Variants in SLC39A11 observed in about 807,000 individuals in gnomAD.
SLC39A11 encodes the protein zinc transporter ZIP11.
SLC39A11 carries 33 observed loss-of-function variants against 36.1 expected under a neutral mutation model. That is an observed-to-expected ratio of 0.91 (90% confidence interval 0.69 to 1.22). The LOEUF is 1.22. Among genes scored for constraint, SLC39A11 ranks in the 50% most tolerant of loss-of-function variants. SLC39A11 has a pLI of 0.00. For missense variants in SLC39A11, 432 were observed against 430.3 expected, an observed-to-expected ratio of 1.00 and a Z score of -0.03; for synonymous variants, 166 against 170.3, an observed-to-expected ratio of 0.97 and a Z score of 0.20.
chr17:72,676,524 G>A (rs11077622), intron 7 of SLC39A11, among the ~76,000 whole-genome samples: 32,707 of 151,868 alleles, frequency 0.22, 3,905 homozygotes, highest in South Asian at 0.26. Flanking sequence ...ACTTCTTATC[G>A]TCATCACAAT....
chr17:72,752,055 C>G (rs2075175956), intron 6 of SLC39A11, among the ~76,000 whole-genome samples: 1 of 152,170 alleles, frequency 6.6e-6, no homozygotes, highest in Non-Finnish European at 1.5e-5. Flanking sequence ...TGCCCTCTTT[C>G]TTATGTCATA....
chr17:72,941,063 G>T (rs537553812), intron 5 of SLC39A11, among the ~76,000 whole-genome samples: 1 of 152,268 alleles, frequency 6.6e-6, no homozygotes, highest in African/African-American at 2.4e-5. Flanking sequence ...CTTGAGCCCA[G>T]GAGTTCAAGA....
intron 3 of SLC39A11, among the ~76,000 whole-genome samples, chr17:73,045,928 A>T (rs1033072999): frequency 1.3e-5 from 2 of 152,186 alleles, no homozygotes; most frequent in Non-Finnish European, 2.9e-5. Context: ...CTCTCAGCTC[A>T]GGTCTGTTGA....
chr17:72,935,612 T>C (rs1464355260), intron 5 of SLC39A11, among the ~76,000 whole-genome samples: 3 of 152,252 alleles, frequency 2.0e-5, no homozygotes, highest in Non-Finnish European at 4.4e-5. Context: ...AGTCTCGCTC[T>C]GCAGCCCAGG....
At chr17:72,707,039 G>A (rs980114277) in intron 7 of SLC39A11, among the ~76,000 whole-genome samples, 2 of 152,242 alleles carry the variant, frequency 1.3e-5, no homozygotes, top group Non-Finnish European at 2.9e-5. Flanking sequence ...GAGATGTGCT[G>A]TAAATGTAAA....
chr17:72,977,204 G>A (rs1045769869), intron 4 of SLC39A11, among the ~76,000 whole-genome samples: 2 of 152,186 alleles, frequency 1.3e-5, no homozygotes, highest in African/African-American at 4.8e-5. Context: ...GGAGCCACAT[G>A]GGAAGGAATG....
intron 3 of SLC39A11, among the ~76,000 whole-genome samples, chr17:73,075,635 CTGAGGTAAGGAGTT>C (rs1330645965): frequency 6.6e-6 from 1 of 151,962 alleles, no homozygotes; most frequent in Non-Finnish European, 1.5e-5. Context: ...GGTGGATCAC[CTGAGGTAAGGAGTT>C]TGAGACCAGC....
rs949708221 is a variant in SLC39A11, at chr17:72,690,371, C to A, written c.672-41103G>T. ...ACACGTCGGAGAATTCCCCAAGGGG[C>A]TCCTGGCTCTCAGAAGAAGGGAGAA... On this transcript the variant is annotated intron_variant, in intron 7 of 9. Transcript: ENST00000255559. Among the ~76,000 whole-genome samples the A allele has an allele frequency of 2.0e-5, 3 of 152,178 alleles. No individual in the cohort carries two copies. The South Asian group carries it at 6.2e-4, about 32-fold the overall frequency.
chr17:72,726,511 C>CAA (rs1276905393), intron 7 of SLC39A11, among the ~76,000 whole-genome samples: 2 of 151,860 alleles, frequency 1.3e-5, no homozygotes, highest in African/African-American at 4.8e-5. Context: ...ATCCTGTCTA[C>CAA]ACACACACAC....
At chr17:72,804,751 A>T (rs934070875) in intron 6 of SLC39A11, among the ~76,000 whole-genome samples, 1 of 152,216 alleles carries the variant, frequency 6.6e-6, no homozygotes, top group Non-Finnish European at 1.5e-5. Flanking sequence ...CCGGCCACGC[A>T]GTGGCTCACA....
intron 5 of SLC39A11, among the ~76,000 whole-genome samples, chr17:72,898,762 AC>A (rs2082159593): frequency 6.6e-6 from 1 of 152,262 alleles, no homozygotes; most frequent in Admixed American, 6.5e-5. Context: ...ACACACGTGC[AC>A]ATACATAACA....
chr17:72,818,610 C>T (rs78855034), intron 6 of SLC39A11, among the ~76,000 whole-genome samples: 2,600 of 152,156 alleles, frequency 0.017, 66 homozygotes, highest in African/African-American at 0.059. Context: ...CTTTGGGGGG[C>T]CTCATTTCTG....
chr17:72,942,722 G>A (rs988491424), intron 5 of SLC39A11, among the ~76,000 whole-genome samples: 2 of 152,184 alleles, frequency 1.3e-5, no homozygotes, highest in Admixed American at 6.5e-5. Flanking sequence ...CAGTTTTAGC[G>A]CCAAGGAAAC....
intron 6 of SLC39A11, among the ~76,000 whole-genome samples, chr17:72,790,129 T>C (rs1483474344): frequency 6.6e-6 from 1 of 152,128 alleles, no homozygotes; most frequent in African/African-American, 2.4e-5. Flanking sequence ...GGTGGGCAGA[T>C]TATCCATTTA....
intron 5 of SLC39A11, among the ~76,000 whole-genome samples, chr17:72,933,801 T>A (rs1437638706): frequency 6.6e-6 from 1 of 152,176 alleles, no homozygotes; most frequent in Non-Finnish European, 1.5e-5. Context: ...ATTACAGGCG[T>A]GAGCCACCAC....
intron 4 of SLC39A11, among the ~76,000 whole-genome samples, chr17:72,964,894 C>T (rs557188078): frequency 1.0e-3 from 154 of 152,286 alleles, no homozygotes; most frequent in African/African-American, 3.4e-3. Context: ...AAATGTGGCA[C>T]ATATACACCA....
intron 3 of SLC39A11, chr17:73,072,600 CTGAG>C (rs1463261000): frequency 2.0e-5 from 3 of 152,202 alleles, no homozygotes; most frequent in Non-Finnish European, 2.9e-5. Flanking sequence ...CGTCTCCTTC[CTGAG>C]TGTTTTGCTA....
At chr17:72,767,473 T>C (rs1025079082) in intron 6 of SLC39A11, among the ~76,000 whole-genome samples, 2 of 152,186 alleles carry the variant, frequency 1.3e-5, no homozygotes, top group South Asian at 4.1e-4. Flanking sequence ...CCCATTTTCT[T>C]GTAGGGGAGA....
chr17:72,647,932 G>C (rs947782862), intron 9 of SLC39A11, among the ~76,000 whole-genome samples: 2 of 152,298 alleles, frequency 1.3e-5, no homozygotes, highest in African/African-American at 4.8e-5. Context: ...GGTCACCTAT[G>C]ATCGTTCTGT....
Sources: allele counts gnomAD v4.1 joint callset (sites outside exome capture counted in the v4.1 genomes callset), GRCh38; gene constraint gnomAD v4.1.1; transcripts MANE v1.5; gene names NCBI Gene and HGNC (gene_info 2026-07-23, HGNC 2026-07-21).